Variants in AGO3 observed in about 807,000 individuals in gnomAD.
AGO3 encodes protein argonaute-3.
A neutral mutation model predicts 105.5 loss-of-function variants in AGO3; 16 were observed. That is an observed-to-expected ratio of 0.15 (90% CI 0.10 to 0.23). AGO3 has a LOEUF of 0.23. Ranked by LOEUF, AGO3 falls within the 10% of genes least tolerant of loss-of-function variation. AGO3 has a pLI of 1.00. For missense variants in AGO3, 534 were observed against 1,088.0 expected (o/e 0.49, Z 7.16); for synonymous variants, 340 against 367.3 (o/e 0.93, Z 0.85).
rs148761791 is a variant in AGO3, at chr1:35,958,617, C to T, written c.192-8338C>T. On this transcript the variant is annotated intron_variant, in intron 2 of 18. Transcript: ENST00000373191. ...GCTGTGAGCTGAGATTGCACCACTG[C>T]GCTCCAGCCTGGGCATCAGAGCCAG... Among the ~76,000 whole-genome samples, 43 of 150,842 alleles carry T rather than the reference C, an allele frequency of 2.9e-4. No homozygotes were observed. In the East Asian group the frequency reaches 6.9e-3, roughly 24 times the overall value.
At chr1:36,028,090 G>A (rs1461062706) in intron 12 of AGO3, among the ~76,000 whole-genome samples, 1 of 152,082 alleles carries the variant, frequency 6.6e-6, no homozygotes, top group Non-Finnish European at 1.5e-5. Flanking sequence ...CTTTCAGGCT[G>A]GAGTGCAGTG....
chr1:36,031,905 C>A (rs980438643), intron 12 of AGO3, among the ~76,000 whole-genome samples: 1 of 98,834 alleles, frequency 1.0e-5, no homozygotes. Flanking sequence ...TGTGGGGGGG[C>A]GGGGGGTGTG....
At chr1:36,048,456 T>C (rs1378504491) in intron 17 of AGO3, among the ~76,000 whole-genome samples, 2 of 152,006 alleles carry the variant, frequency 1.3e-5, no homozygotes, top group Non-Finnish European at 2.9e-5. Flanking sequence ...TCAATAATCA[T>C]TATTATGGAA....
chr1:36,039,437 T>C (rs1642153142), intron 14 of AGO3, among the ~76,000 whole-genome samples: 2 of 138,526 alleles, frequency 1.4e-5, no homozygotes, highest in South Asian at 4.4e-4. Context: ...CAGGTTGCAG[T>C]GAGCCGAGAT....
chr1:36,044,859 T>C (rs922011703), intron 17 of AGO3, among the ~76,000 whole-genome samples: 1 of 152,204 alleles, frequency 6.6e-6, no homozygotes, highest in Non-Finnish European at 1.5e-5. Context: ...TCTCAAACTT[T>C]CCAACAACAA....
At chr1:35,961,078 G>T (rs1342397158) in intron 2 of AGO3, among the ~76,000 whole-genome samples, 1 of 151,406 alleles carries the variant, frequency 6.6e-6, no homozygotes, top group Non-Finnish European at 1.5e-5. Flanking sequence ...CGAGTAGCTG[G>T]GACTACGGGC....
intron 11 of AGO3, among the ~76,000 whole-genome samples, chr1:36,016,859 T>A (rs1640929711): frequency 6.6e-6 from 1 of 152,234 alleles, no homozygotes; most frequent in East Asian, 1.9e-4. Flanking sequence ...ACGCTTAGCA[T>A]GAGTGACTCC....
intron 11 of AGO3, among the ~76,000 whole-genome samples, chr1:36,021,459 A>G (rs1028726241): frequency 1.3e-5 from 2 of 152,110 alleles, no homozygotes; most frequent in African/African-American, 4.8e-5. Flanking sequence ...AATCTTATAC[A>G]ATTTTGGAAT....
Position 36,055,157 on chromosome 1 carries a change from GC to G in AGO3, c.2474+13del. ...AAAGAACATGACAGGTAATATAAAA[GC>G]ATAACAGGTTCTCACCCAAATCCCA... On this transcript the variant is annotated intron_variant, in intron 18 of 18. Coordinates refer to ENST00000373191, the MANE Select transcript of AGO3 (RefSeq NM_024852.4). The surrounding 1 kb of genome is among the most constrained non-coding windows in gnomAD (Gnocchi z 4.4). 1.3e-6 allele frequency: 2 copies of G among 1,576,718 alleles called. No individual in the cohort carries two copies. The highest frequency in any genetic ancestry group is 1.7e-6 in the Non-Finnish European group (2 of 1,159,628).
chr1:36,052,238 G>C (rs1040431343), intron 17 of AGO3, among the ~76,000 whole-genome samples: 1 of 152,212 alleles, frequency 6.6e-6, no homozygotes, highest in South Asian at 2.1e-4. Flanking sequence ...CACAAAAAAA[G>C]AATGAAATTC....
intron 14 of AGO3, among the ~76,000 whole-genome samples, chr1:36,037,133 A>G (rs1471725511): frequency 1.3e-5 from 2 of 152,176 alleles, no homozygotes; most frequent in Middle Eastern, 3.2e-3. Flanking sequence ...TATTTTACCT[A>G]TTTTGAAAAT....
At chr1:36,035,620 G>T (rs114609266) in intron 13 of AGO3, among the ~76,000 whole-genome samples, 2 of 152,040 alleles carry the variant, frequency 1.3e-5, no homozygotes, top group African/African-American at 4.8e-5. Context: ...AAAATTTGTG[G>T]ATCATAAGGA....
intron 3 of AGO3, among the ~76,000 whole-genome samples, chr1:35,967,399 A>ATTTAT (rs57271371): frequency 0.018 from 2,641 of 150,220 alleles, 25 homozygotes; most frequent in African/African-American, 0.026. Context: ...CCCCATTAAT[A>ATTTAT]TTTATTTTAT....
chr1:36,014,834 T>C (rs146199581), intron 11 of AGO3, among the ~76,000 whole-genome samples: 73 of 151,758 alleles, frequency 4.8e-4, no homozygotes, highest in African/African-American at 1.7e-3. Context: ...CATAGTAAAT[T>C]CCTTGATTCA....
chr1:36,058,376 TA>T lies in AGO3; in HGVS notation c.*2632del, dbSNP rs1642983421. 6.6e-6 allele frequency: 1 copy of T among 152,154 alleles called. No homozygotes were observed. Among genetic ancestry groups the T allele is most frequent in the South Asian group, 2.1e-4 (1 of 4,832 alleles). The allele number at this position is 152,154 out of a possible 1,614,324, so 9.4% of individuals were successfully genotyped here. ...ACTATAAAGCTATCAAAACTGAGTTTATCAGTAACATTGGATTCAGGGGAGC... is the reference window on the plus strand; with the variant it reads ...ACTATAAAGCTATCAAAACTGAGTTTTCAGTAACATTGGATTCAGGGGAGC... On this transcript the variant is annotated 3_prime_UTR_variant, in exon 19 of 19. Transcript: ENST00000373191.
intron 5 of AGO3, among the ~76,000 whole-genome samples, chr1:35,992,795 A>G (rs1382187176): frequency 6.6e-6 from 1 of 152,230 alleles, no homozygotes; most frequent in South Asian, 2.1e-4. Flanking sequence ...ACAATAAACT[A>G]TCTCACACAT....
intron 11 of AGO3, among the ~76,000 whole-genome samples, chr1:36,026,418 T>G (rs1641507741): frequency 6.6e-6 from 1 of 152,216 alleles, no homozygotes; most frequent in Non-Finnish European, 1.5e-5. Flanking sequence ...TCATCTGTTT[T>G]TAAATTTTGT....
chr1:35,978,725 A>G (rs961873005), intron 5 of AGO3, among the ~76,000 whole-genome samples: 3 of 152,210 alleles, frequency 2.0e-5, no homozygotes, highest in Non-Finnish European at 4.4e-5. Context: ...TGTTGAGGAA[A>G]GTAAGGCCTT....
intron 9 of AGO3, among the ~76,000 whole-genome samples, chr1:36,012,588 A>G (rs1419588238): frequency 1.3e-5 from 2 of 152,108 alleles, no homozygotes; most frequent in Non-Finnish European, 2.9e-5. Context: ...TAAATTTTAT[A>G]TAAATTATAA....
Sources: allele counts gnomAD v4.1 joint callset (sites outside exome capture counted in the v4.1 genomes callset), GRCh38; gene constraint gnomAD v4.1.1; non-coding constraint Gnocchi (gnomAD v3.1); transcripts MANE v1.5; gene names NCBI Gene and HGNC (gene_info 2026-07-23, HGNC 2026-07-21).